The following RGS7 variants were observed in gnomAD, a reference collection of about 807,000 sequenced individuals.
RGS7 encodes regulator of G protein signaling 7, also known as regulator of G-protein signaling 7.
A neutral mutation model predicts 81.1 loss-of-function variants in RGS7; 27 were observed. The observed-to-expected ratio is 0.33, with a 90% CI of 0.25 to 0.46. The LOEUF (loss-of-function observed/expected upper bound fraction) is 0.46. Among genes scored for constraint, RGS7 ranks in the 20% least tolerant of loss-of-function variants. The pLI is 1.00. For missense variants in RGS7, 396 were observed against 607.4 expected (o/e 0.65, Z 3.66); for synonymous variants, 208 against 207.7 (o/e 1.00, Z -0.01).
intron 2 of RGS7, among the ~76,000 whole-genome samples, chr1:241,178,105 A>C (rs535570380): frequency 3.6e-4 from 55 of 152,226 alleles, no homozygotes; most frequent in African/African-American, 1.3e-3. Context: ...TGGGCAATAT[A>C]GTGAGACCCT....
intron 2 of RGS7, among the ~76,000 whole-genome samples, chr1:241,115,230 A>G (rs2065807501): frequency 6.6e-6 from 1 of 152,114 alleles, no homozygotes; most frequent in Non-Finnish European, 1.5e-5. Flanking sequence ...CCACCTTTGC[A>G]CTGGAATAAA....
rs111938105 is a variant in RGS7, at chr1:241,110,931, C to T, written c.79-12169G>A. 5.6e-3 allele frequency among the ~76,000 whole-genome samples: 851 copies of T among 152,124 alleles called. 6 individuals are homozygous for T. The highest frequency in any genetic ancestry group is 0.019 in the African/African-American group (802 of 41,498). Reference sequence around the variant, plus strand: ...AATTCCTGACCTCAAGTGATCCACCCGCCCCAGCCTCCCAAAGCTCTGGGA... The same window carrying T: ...AATTCCTGACCTCAAGTGATCCACCTGCCCCAGCCTCCCAAAGCTCTGGGA... On this transcript the variant is annotated intron_variant, in intron 2 of 18. Transcript: ENST00000440928.
chr1:241,131,458 T>G (rs1253561371), intron 2 of RGS7, among the ~76,000 whole-genome samples: 1 of 152,178 alleles, frequency 6.6e-6, no homozygotes, highest in African/African-American at 2.4e-5. Flanking sequence ...AATTTGCATT[T>G]TTAACAATTT....
At chr1:240,784,289 T>C (rs1314050191) in intron 18 of RGS7, among the ~76,000 whole-genome samples, 5 of 152,086 alleles carry the variant, frequency 3.3e-5, no homozygotes, top group Non-Finnish European at 4.4e-5. Flanking sequence ...GGCAGATTTT[T>C]AAAGGGTGGC....
At chr1:241,003,005 C>A (rs948208423) in intron 3 of RGS7, among the ~76,000 whole-genome samples, 1 of 152,162 alleles carries the variant, frequency 6.6e-6, no homozygotes, top group African/African-American at 2.4e-5. Context: ...GATACTTTTA[C>A]AATACTTATA....
chr1:240,923,401 G>C (rs1418050439), intron 6 of RGS7, among the ~76,000 whole-genome samples: 1 of 151,952 alleles, frequency 6.6e-6, no homozygotes, highest in East Asian at 1.9e-4. Context: ...TTAATTATAG[G>C]GGAACGTATA....
chr1:240,853,249 A>G (rs1660430686), intron 9 of RGS7, among the ~76,000 whole-genome samples: 1 of 152,222 alleles, frequency 6.6e-6, no homozygotes, highest in African/African-American at 2.4e-5. Flanking sequence ...AGTAGTAAAT[A>G]AAGAATAGTT....
intron 2 of RGS7, among the ~76,000 whole-genome samples, chr1:241,317,807 A>G (rs2148590565): frequency 6.6e-6 from 1 of 152,204 alleles, no homozygotes; most frequent in East Asian, 1.9e-4. Context: ...CTGCTGTTGG[A>G]TATATTTTTA....
chr1:240,864,497 G>A (rs1024795034), intron 9 of RGS7, among the ~76,000 whole-genome samples: 1 of 152,196 alleles, frequency 6.6e-6, no homozygotes, highest in Non-Finnish European at 1.5e-5. Flanking sequence ...GAAGAGGAAA[G>A]TCAACAGTCT....
chr1:240,979,796 G>C (rs184977547), intron 4 of RGS7, among the ~76,000 whole-genome samples: 1 of 152,256 alleles, frequency 6.6e-6, no homozygotes, highest in Admixed American at 6.5e-5. Flanking sequence ...CAAACCAAAT[G>C]GCCAGTGAAA....
At chr1:240,903,128 G>A (rs953608625) in intron 6 of RGS7, among the ~76,000 whole-genome samples, 2 of 152,186 alleles carry the variant, frequency 1.3e-5, no homozygotes, top group African/African-American at 2.4e-5. Context: ...ACAGAATTAT[G>A]AGTGACAACA....
intron 6 of RGS7, among the ~76,000 whole-genome samples, chr1:240,924,147 C>G (rs1466637872): frequency 6.6e-6 from 1 of 152,194 alleles, no homozygotes; most frequent in African/African-American, 2.4e-5. Context: ...GGAAAAATTA[C>G]TATTTATCTC....
chr1:241,009,341 C>G (rs2058842207), intron 3 of RGS7, among the ~76,000 whole-genome samples: 1 of 152,198 alleles, frequency 6.6e-6, no homozygotes, highest in African/African-American at 2.4e-5. Context: ...AGCTTGGGAG[C>G]ACTGACCCCA....
intron 3 of RGS7, among the ~76,000 whole-genome samples, chr1:241,014,315 C>A (rs1037633549): frequency 6.6e-6 from 1 of 152,196 alleles, no homozygotes; most frequent in East Asian, 1.9e-4. Context: ...CTACAACCAG[C>A]CTTCAATACA....
intron 2 of RGS7, among the ~76,000 whole-genome samples, chr1:241,252,049 C>CT (rs571408259): frequency 0.033 from 4,704 of 143,610 alleles, 258 homozygotes; most frequent in African/African-American, 0.11. Flanking sequence ...CTTTCTTTTT[C>CT]TTTTTTTTTT....
At chr1:241,016,388 T>G (rs895695688) in intron 3 of RGS7, among the ~76,000 whole-genome samples, 5 of 151,770 alleles carry the variant, frequency 3.3e-5, no homozygotes, top group Non-Finnish European at 7.4e-5. Flanking sequence ...TGTGGCGGCA[T>G]GCACCTGTAG....
intron 2 of RGS7, among the ~76,000 whole-genome samples, chr1:241,254,412 A>T (rs1296898344): frequency 6.6e-6 from 1 of 152,086 alleles, no homozygotes; most frequent in African/African-American, 2.4e-5. Flanking sequence ...TTTATTTTTC[A>T]CGGTTCTGGA....
At chr1:241,018,586 G>A (rs919399948) in intron 3 of RGS7, among the ~76,000 whole-genome samples, 4 of 152,140 alleles carry the variant, frequency 2.6e-5, no homozygotes, top group African/African-American at 9.6e-5. Context: ...GTGTCTTGCA[G>A]GTCTTTCAGC....
chr1:240,891,502 ATATAT>A (rs1416137680), intron 6 of RGS7, among the ~76,000 whole-genome samples: 1 of 152,192 alleles, frequency 6.6e-6, no homozygotes, highest in East Asian at 1.9e-4. Context: ...TATATTTAAA[ATATAT>A]TAAGTAAGAA....
Sources: gnomAD v4.1 joint callset for allele counts (sites outside exome capture counted in the v4.1 genomes callset) on GRCh38, gnomAD v4.1.1 for gene constraint, MANE v1.5 for transcripts, NCBI Gene and HGNC (gene_info 2026-07-23, HGNC 2026-07-21) for gene names.